Variants in CDK12 observed in about 807,000 individuals in gnomAD.
The protein encoded by CDK12 is cyclin dependent kinase 12, also known as cyclin-dependent kinase 12.
A neutral mutation model predicts 133.8 loss-of-function variants in CDK12; 17 were observed. That is an observed-to-expected ratio of 0.13 (90% confidence interval 0.09 to 0.19). The LOEUF is 0.19. Ranked by LOEUF, CDK12 falls within the 10% of genes least tolerant of loss-of-function variation. The probability of loss-of-function intolerance (pLI) is 1.00; values close to 1 mark genes in which losing one functional copy is unlikely to be tolerated. For synonymous variants in CDK12, 694 were observed against 683.6 expected (o/e 1.02, Z -0.24); for missense variants, 1,508 against 1,818.7 (o/e 0.83, Z 3.11).
Position 39,557,999 on chromosome 17 carries a change from C to T in CDK12, n.484+1586C>T, listed in dbSNP as rs555064005. On this transcript the variant is annotated intron_variant and non_coding_transcript_variant, in intron 3 of 3. Transcript: ENST00000558240. ...TGAAATAATGTGTGTAAAGCACCTA[C>T]AACAGTGCCTGATACTCAGTAGGTG... 3.1e-4 allele frequency among the ~76,000 whole-genome samples: 47 copies of T among 152,302 alleles called. 1 individual carries two copies. The South Asian group carries it at 9.7e-3, about 32-fold the overall frequency.
At chr17:39,548,771 G>T (rs2055831143), upstream of CDK12, among the ~76,000 whole-genome samples, 2 of 152,144 alleles carry the variant, frequency 1.3e-5, no homozygotes, top group Non-Finnish European at 2.9e-5. Flanking sequence ...TTCTGCTAGG[G>T]GTGCCAAATG....
At chr17:39,553,940 T>TA (rs11078914) in intron 2 of CDK12, among the ~76,000 whole-genome samples, 18 of 152,066 alleles carry the variant, frequency 1.2e-4, no homozygotes, top group African/African-American at 4.3e-4. Context: ...GCCCCAACTA[T>TA]AAAAAAAACA....
intron 6 of CDK12, among the ~76,000 whole-genome samples, chr17:39,506,252 T>C (rs1009492335): frequency 4.1e-5 from 6 of 146,294 alleles, no homozygotes; most frequent in Middle Eastern, 3.2e-3. Flanking sequence ...AGTCTCACTC[T>C]GTCACCAGGC....
At chr17:39,548,817 T>C (rs2055833658), upstream of CDK12, 2 of 152,342 alleles carry the variant, frequency 1.3e-5, no homozygotes, top group South Asian at 2.1e-4. Context: ...GACTCCACAA[T>C]TGACCCTCCA....
rs58047556 is a variant in CDK12, at chr17:39,481,633, GCTCTCTCTCTCTCT to G, written c.1932-8859_1932-8846del. Among the ~76,000 whole-genome samples the G allele has an allele frequency of 6.8e-3, 120 of 17,570 alleles. 13 individuals carry two copies. Among genetic ancestry groups the G allele is most frequent in the Admixed American group, 0.018 (28 of 1,582 alleles). The allele number at this position is 17,570 out of a possible 152,430, so 11.5% of individuals were successfully genotyped here. On this transcript the variant is annotated intron_variant, in intron 2 of 13. Transcript: ENST00000447079. The stretch of plus-strand genomic sequence containing the variant: ...CACTTATGTGCTTGCTCGCTCGCGC[GCTCTCTCTCTCTCT>G]CTCTCTCTCTCTCTCTCTCTCTCTC...
chr17:39,466,688 G>A (rs948417375), intron 1 of CDK12, among the ~76,000 whole-genome samples: 4 of 122,934 alleles, frequency 3.3e-5, no homozygotes, highest in Admixed American at 9.4e-5. Context: ...AATTTAGTCA[G>A]TAATGGTAAA....
At chr17:39,524,962 G>T (rs562460338) in intron 12 of CDK12, 77 bp downstream of exon 12, 19 of 1,250,146 alleles carry the variant, frequency 1.5e-5, no homozygotes, top group Non-Finnish European at 2.1e-5. Flanking sequence ...TAAGGAGTTT[G>T]TGTGTGTGTC....
intron 10 of CDK12, 76 bp downstream of exon 10, chr17:39,517,632 AG>A (rs1254924865): frequency 1.6e-5 from 13 of 821,610 alleles, no homozygotes; most frequent in Non-Finnish European, 2.5e-5. Flanking sequence ...TGGTCTGGGT[AG>A]TTAATGTTGT....
At chr17:39,523,842 C>T (rs2054326891) in intron 11 of CDK12, among the ~76,000 whole-genome samples, 1 of 152,036 alleles carries the variant, frequency 6.6e-6, no homozygotes, top group Non-Finnish European at 1.5e-5. Context: ...TTAGCAGAGA[C>T]CAGGTTTCAC....
chr17:39,462,620 G>T lies in CDK12; in HGVS notation c.549G>T (p.Lys183Asn), dbSNP rs771702282. The change falls in exon 1 of 14, where the codon AAG becomes AAT. Residue 183 changes from lysine to asparagine, a missense_variant. Physicochemically the swap from Lys to Asn is moderately conservative, Grantham distance 94. Around this residue, in one of 9 missense-constraint regions of CDK12, gnomAD observed 460 missense variants for 490.8 expected, o/e 0.94. Coordinates refer to ENST00000447079, the MANE Select transcript of CDK12 (RefSeq NM_016507.4). ...ESRSSKLHKE[K>N]TRKERELKSG... ...GGTCATCCAAGCTCCACAAGGAGAA[G>T]ACCAGGAAAGAACGGGAGCTGAAGT... The T allele has an allele frequency of 1.9e-6, 3 of 1,614,140 alleles. No homozygotes were observed. The highest frequency in any genetic ancestry group is 1.1e-5 in the South Asian group (1 of 91,078).
chr17:39,514,884 C>T (rs558264992), intron 8 of CDK12, among the ~76,000 whole-genome samples: 5 of 152,104 alleles, frequency 3.3e-5, no homozygotes, highest in East Asian at 1.9e-4. Flanking sequence ...TTCCTCTACC[C>T]GTACCCTCCC....
Position 39,470,660 on chromosome 17 carries a change from G to A in CDK12, c.1047-219G>A, listed in dbSNP as rs1269415598. Reference sequence around the variant, plus strand: ...TTAGTCTACCTAATGTCCATTTTCTGTTCCAGGATCTTACTCATTATACCA... The same window carrying A: ...TTAGTCTACCTAATGTCCATTTTCTATTCCAGGATCTTACTCATTATACCA... On this transcript the variant is annotated intron_variant, in intron 1 of 13. Coordinates refer to ENST00000447079, the MANE Select transcript of CDK12 (RefSeq NM_016507.4). Among the ~76,000 whole-genome samples, 3 of 152,052 alleles carry A rather than the reference G, an allele frequency of 2.0e-5. No individual in the cohort carries two copies. In the East Asian group the frequency reaches 5.8e-4, roughly 29 times the overall value.
At chr17:39,521,787 C>G (rs2054187925) in intron 11 of CDK12, among the ~76,000 whole-genome samples, 1 of 152,092 alleles carries the variant, frequency 6.6e-6, no homozygotes, top group Non-Finnish European at 1.5e-5. Context: ...GTCTCAAACT[C>G]CTGACTTCAG....
chr17:39,491,701 AT>A (rs766596742), intron 3 of CDK12, among the ~76,000 whole-genome samples: 3,007 of 117,914 alleles, frequency 0.026, 33 homozygotes, highest in African/African-American at 0.066. Context: ...CTGTTTATGT[AT>A]TTTTTTTTTT....
chr17:39,526,363 A>C, intron 13 of CDK12, 47 bp downstream of exon 13: 1 of 1,398,486 alleles, frequency 7.2e-7, no homozygotes, highest in Non-Finnish European at 9.6e-7. Context: ...TGCTGTTGAT[A>C]CCCTCTTAAA....
Position 39,517,422 on chromosome 17 carries a change from C to G in CDK12, c.2847-18C>G, listed in dbSNP as rs746954910. Reference sequence around the variant, plus strand: ...TGACTCACTCACTCCATTGTTCTTGCTTTTGCTTTGTTTTCAGCCGACTTT... The same window carrying G: ...TGACTCACTCACTCCATTGTTCTTGGTTTTGCTTTGTTTTCAGCCGACTTT... On this transcript the variant is annotated intron_variant, in intron 9 of 13. Coordinates refer to ENST00000447079, the MANE Select transcript of CDK12 (RefSeq NM_016507.4). 1.4e-6 allele frequency: 2 copies of G among 1,480,778 alleles called. No homozygotes were observed. Among genetic ancestry groups the G allele is most frequent in the Non-Finnish European group, 1.9e-6 (2 of 1,062,638 alleles). 91.7% of individuals were successfully genotyped at this position (1,480,778 alleles called of 1,614,324 possible). A position where few individuals can be genotyped will look rare whatever the true frequency, so the allele number is the denominator to read the frequency against.
At chr17:39,494,929 C>T (rs2051952340) in intron 5 of CDK12, among the ~76,000 whole-genome samples, 1 of 152,028 alleles carries the variant, frequency 6.6e-6, no homozygotes, top group Admixed American at 6.6e-5. Context: ...GCCACCACAC[C>T]CAGCTAATTT....
rs182010182 is a variant in CDK12 at position 39,485,100 on chromosome 17, G to A, written c.1932-5457G>A. On this transcript the variant is annotated intron_variant, in intron 2 of 13. Transcript: ENST00000447079. Reference sequence around the variant, plus strand: ...CAGGAGAATGGCGTGAACCCAGGAGGCGGAGCTTGCAGTGAGCTGAGATCG... The same window carrying A: ...CAGGAGAATGGCGTGAACCCAGGAGACGGAGCTTGCAGTGAGCTGAGATCG... 9.1e-3 allele frequency among the ~76,000 whole-genome samples: 1,383 copies of A among 151,258 alleles called. 29 individuals are homozygous for A. Among genetic ancestry groups the A allele is most frequent in the African/African-American group, 0.032 (1,307 of 41,186 alleles).
intron 1 of CDK12, among the ~76,000 whole-genome samples, chr17:39,468,014 C>T (rs2049480550): frequency 1.3e-5 from 2 of 151,956 alleles, no homozygotes; most frequent in African/African-American, 4.8e-5. Context: ...CTGCCTTAGC[C>T]TCCCGAGCAG....
Sources: allele counts gnomAD v4.1 joint callset (sites outside exome capture counted in the v4.1 genomes callset), GRCh38; gene constraint gnomAD v4.1.1; regional missense constraint gnomAD v4.1.1; transcripts MANE v1.5; gene names NCBI Gene and HGNC (gene_info 2026-07-23, HGNC 2026-07-21).